Variants in WTAP observed in about 807,000 individuals in gnomAD.
The protein encoded by WTAP is WT1 associated protein.
Under a neutral mutation model 50.0 loss-of-function variants are expected in WTAP, and 8 were observed. That is an observed-to-expected ratio of 0.16 (90% CI 0.09 to 0.29). The LOEUF is 0.29. WTAP is among the 10% of genes least tolerant of loss of function. The pLI is 1.00. For missense variants in WTAP, 295 were observed against 470.7 expected (o/e 0.63, Z 3.45); for synonymous variants, 194 against 169.0 (o/e 1.15, Z -1.15).
chr6:159,726,731 G>C (rs1318663660), upstream of WTAP: 1 of 1,275,884 alleles, frequency 7.8e-7, no homozygotes, highest in African/African-American at 1.5e-5. Context: ...CGACGCCAGA[G>C]AACAATAGCT....
In WTAP at chr6:159,756,090, A is replaced by G. The variant is rs1245400366; in HGVS notation, c.*479A>G. On this transcript the variant is annotated 3_prime_UTR_variant, in exon 8 of 8. Coordinates refer to ENST00000621533, the MANE Select transcript of WTAP (RefSeq NM_001270531.2). ...CCAGTACAGTAGTTTTTTATCACTAAAAGTTGGACTCATTGATGGAGTCCT... is the reference window on the plus strand; with the variant it reads ...CCAGTACAGTAGTTTTTTATCACTAGAAGTTGGACTCATTGATGGAGTCCT... The G allele has an allele frequency of 6.5e-6, 1 of 153,522 alleles. No individual in the cohort carries two copies. Among genetic ancestry groups the G allele is most frequent in the African/African-American group, 2.4e-5 (1 of 41,430 alleles). 9.5% of individuals were successfully genotyped at this position (153,522 alleles called of 1,614,324 possible). A position where few individuals can be genotyped will look rare whatever the true frequency, so the allele number is the denominator to read the frequency against.
chr6:159,736,401 T>G, intron 2 of WTAP, 106 bp downstream of exon 2: 1 of 908,700 alleles, frequency 1.1e-6, no homozygotes, highest in South Asian at 1.5e-5. Flanking sequence ...GTTGTTTGCT[T>G]ATTTTTCATT....
intron 3 of WTAP, among the ~76,000 whole-genome samples, chr6:159,740,547 C>G (rs1779190032): frequency 6.6e-6 from 1 of 152,178 alleles, no homozygotes; most frequent in Non-Finnish European, 1.5e-5. Flanking sequence ...ATAGCCTCCA[C>G]TGAAGATCTT....
intron 5 of WTAP, among the ~76,000 whole-genome samples, chr6:159,745,473 C>T (rs746479746): frequency 1.1e-4 from 17 of 151,450 alleles, no homozygotes; most frequent in Non-Finnish European, 2.1e-4. Context: ...CACCTGCATA[C>T]GCCAGCTGAA....
At chr6:159,752,557 T>A (rs1174195608) in intron 6 of WTAP, among the ~76,000 whole-genome samples, 2 of 152,208 alleles carry the variant, frequency 1.3e-5, no homozygotes, top group African/African-American at 4.8e-5. Context: ...AGTGTGACAC[T>A]CCTAGATTGG....
intron 1 of WTAP, among the ~76,000 whole-genome samples, chr6:159,735,799 T>C (rs1778878545): frequency 6.6e-6 from 1 of 152,002 alleles, no homozygotes; most frequent in African/African-American, 2.4e-5. Context: ...TATTGGGCAG[T>C]AGTAAATTAT....
At chr6:159,738,233 T>C (rs1779039131) in intron 2 of WTAP, among the ~76,000 whole-genome samples, 1 of 152,228 alleles carries the variant, frequency 6.6e-6, no homozygotes, top group African/African-American at 2.4e-5. Flanking sequence ...TATAGCCACA[T>C]CTACCCCGTC....
chr6:159,749,329 T>C, intron 6 of WTAP: 1 of 985,836 alleles, frequency 1.0e-6, no homozygotes, highest in Non-Finnish European at 1.2e-6. Flanking sequence ...AAAAGAGCTT[T>C]GTCGTTGGTG....
At chr6:159,744,747 G>A (rs911846) in intron 5 of WTAP, among the ~76,000 whole-genome samples, 32,066 of 151,866 alleles carry the variant, frequency 0.21, 3,531 homozygotes, top group East Asian at 0.4. Context: ...CTTGAGACAG[G>A]GCCTCTCTCT....
intron 3 of WTAP, among the ~76,000 whole-genome samples, 166 bp downstream of exon 3, chr6:159,739,211 G>A (rs1454025352): frequency 6.6e-6 from 1 of 152,038 alleles, no homozygotes; most frequent in Admixed American, 6.6e-5. Context: ...TATTAACACC[G>A]AGGAAAACGT....
chr6:159,726,730 A>G, upstream of WTAP: 1 of 1,269,494 alleles, frequency 7.9e-7, no homozygotes, highest in Non-Finnish European at 1.0e-6. Context: ...CCGACGCCAG[A>G]GAACAATAGC....
Position 159,755,757 on chromosome 6 carries a change from TTTC to T in WTAP, c.*149_*151del, listed in dbSNP as rs1236107130. 3.5e-5 allele frequency: 35 copies of T among 998,256 alleles called. No homozygotes were observed. Among genetic ancestry groups the T allele is most frequent in the East Asian group, 1.6e-4 (4 of 24,664 alleles). 61.8% of individuals were successfully genotyped at this position (998,256 alleles called of 1,614,324 possible). ...TGTTGTTTTTTTTCTTTGTTTTTTT[TTTC>T]TTTTCTTTTTTTTTTTTTTTTTTTT... On this transcript the variant is annotated 3_prime_UTR_variant, in exon 8 of 8. Coordinates refer to ENST00000621533, the MANE Select transcript of WTAP (RefSeq NM_001270531.2).
intron 1 of WTAP, among the ~76,000 whole-genome samples, chr6:159,735,777 T>C: frequency 6.6e-6 from 1 of 151,918 alleles, no homozygotes; most frequent in Non-Finnish European, 1.5e-5. Context: ...ATATATAATA[T>C]ATCTAAAAAA....
At chr6:159,741,462 T>C (rs1327917376) in intron 3 of WTAP, 1 of 152,212 alleles carries the variant, frequency 6.6e-6, no homozygotes, top group Non-Finnish European at 1.5e-5. Flanking sequence ...ATTTCTAATA[T>C]GCCTTTTGTT....
At chr6:159,727,306 G>A (rs577741148), upstream of WTAP, 2 of 1,281,458 alleles carry the variant, frequency 1.6e-6, no homozygotes, top group East Asian at 5.8e-5. Context: ...GCGAGTGACT[G>A]CGGCCACGCC....
chr6:159,738,249 C>A (rs1371314026), intron 2 of WTAP, among the ~76,000 whole-genome samples: 1 of 152,228 alleles, frequency 6.6e-6, no homozygotes, highest in Non-Finnish European at 1.5e-5. Flanking sequence ...CCGTCCCTCT[C>A]CATGCCTGAC....
At chr6:159,740,682 A>G (rs1255700296) in intron 3 of WTAP, among the ~76,000 whole-genome samples, 1 of 150,940 alleles carries the variant, frequency 6.6e-6, no homozygotes, top group Non-Finnish European at 1.5e-5. Flanking sequence ...GGTATTAGGA[A>G]GGTTTTTTTT....
chr6:159,733,492 C>A (rs930658575), intron 1 of WTAP, among the ~76,000 whole-genome samples: 2 of 152,002 alleles, frequency 1.3e-5, no homozygotes, highest in African/African-American at 4.8e-5. Context: ...TGTGGTGGCA[C>A]ATGCCTGTAG....
At chr6:159,750,763 C>T (rs1000196404) in intron 6 of WTAP, among the ~76,000 whole-genome samples, 4 of 152,006 alleles carry the variant, frequency 2.6e-5, no homozygotes, top group South Asian at 2.1e-4. Context: ...GGATTTTTTT[C>T]TATAAAATTG....
Sources: allele counts gnomAD v4.1 joint callset (sites outside exome capture counted in the v4.1 genomes callset), GRCh38; gene constraint gnomAD v4.1.1; transcripts MANE v1.5; gene names NCBI Gene and HGNC (gene_info 2026-07-23, HGNC 2026-07-21).